GBE1: variants seen among roughly 807,000 people sequenced by gnomAD.
GBE1 encodes the protein 1,4-alpha-glucan-branching enzyme.
In GBE1, 70 loss-of-function variants were observed where a neutral mutation model predicts 88.8. The ratio of observed to expected loss-of-function variants is 0.79; its 90% CI spans 0.65 to 0.96. GBE1 has a LOEUF of 0.96. GBE1 is among the 40% of genes least tolerant of loss of function. The probability of loss-of-function intolerance (pLI) is 0.00; values close to 1 mark genes in which losing one functional copy is unlikely to be tolerated. For synonymous variants in GBE1, 284 were observed against 300.1 expected, an observed-to-expected ratio of 0.95 and a Z score of 0.56; for missense variants, 872 against 871.0, an observed-to-expected ratio of 1.00 and a Z score of -0.01.
At chr3:81,511,913 G>A (rs891894623) in intron 14 of GBE1, among the ~76,000 whole-genome samples, 3 of 151,124 alleles carry the variant, frequency 2.0e-5, no homozygotes, top group East Asian at 3.9e-4. Flanking sequence ...ATCACAATAC[G>A]ATTTACAATA....
chr3:81,672,797 T>C (rs1212735226), intron 2 of GBE1, among the ~76,000 whole-genome samples: 1 of 151,936 alleles, frequency 6.6e-6, no homozygotes, highest in African/African-American at 2.4e-5. Context: ...TTGTGGCATA[T>C]ACTGGGTCGC....
At chr3:81,620,434 G>A (rs544220201) in intron 7 of GBE1, among the ~76,000 whole-genome samples, 36 of 151,838 alleles carry the variant, frequency 2.4e-4, no homozygotes, top group African/African-American at 8.5e-4. Flanking sequence ...CGCCCGCCTC[G>A]GCCTCCCAAG....
chr3:81,561,182 T>C (rs973272365), intron 12 of GBE1, among the ~76,000 whole-genome samples: 8 of 152,178 alleles, frequency 5.3e-5, no homozygotes, highest in African/African-American at 1.7e-4. Context: ...ACACCTATAC[T>C]ACCTTATGTT....
At chr3:81,600,850 A>T (rs1270960983) in intron 7 of GBE1, among the ~76,000 whole-genome samples, 1 of 152,078 alleles carries the variant, frequency 6.6e-6, no homozygotes, top group Non-Finnish European at 1.5e-5. Context: ...ACAGCAATTG[A>T]GGTAGGGAAA....
intron 3 of GBE1, among the ~76,000 whole-genome samples, chr3:81,652,428 AT>A (rs1704863898): frequency 6.6e-6 from 1 of 152,214 alleles, no homozygotes; most frequent in Non-Finnish European, 1.5e-5. Flanking sequence ...TAACTTCAAT[AT>A]TTTGTTTCCA....
intron 12 of GBE1, among the ~76,000 whole-genome samples, chr3:81,555,770 T>G (rs1438269494): frequency 6.6e-6 from 1 of 152,136 alleles, no homozygotes; most frequent in Non-Finnish European, 1.5e-5. Context: ...TTAACCAAGT[T>G]AAATATCCCC....
Position 81,586,169 on chromosome 3 carries a change from G to C in GBE1, c.1258C>G (p.Leu420Val). The C allele has an allele frequency of 6.2e-7, 1 of 1,606,600 alleles. No homozygotes were observed. The highest frequency in any genetic ancestry group is 8.5e-7 in the Non-Finnish European group (1 of 1,177,134). Residue 420 changes from leucine (L) to valine (V), a missense_variant, in exon 10 of 16, where the codon CTG becomes GTG. Leu to Val is a conservative substitution (Grantham distance 32). Transcript: ENST00000429644. Reference protein sequence around the residue: ...IAEDVSGMPALCSPISQGGGG... With the variant: ...IAEDVSGMPAVCSPISQGGGG... ...CCTCCCTGGGAAATTGGAGAGCACA[G>C]AGCTGGCATTCCTGATACATCCTAC...
chr3:81,678,647 T>A (rs2107126288), intron 2 of GBE1, among the ~76,000 whole-genome samples: 1 of 152,298 alleles, frequency 6.6e-6, no homozygotes, highest in South Asian at 2.1e-4. Flanking sequence ...CAGCAAAGAA[T>A]GCATAGAAAT....
chr3:81,561,649 G>T (rs1703418643), intron 12 of GBE1, among the ~76,000 whole-genome samples: 1 of 151,974 alleles, frequency 6.6e-6, no homozygotes, highest in Admixed American at 6.6e-5. Flanking sequence ...TATTTAGTTT[G>T]AGGTGACAGC....
chr3:81,551,101 A>G (rs991467634), intron 12 of GBE1, among the ~76,000 whole-genome samples: 1 of 152,176 alleles, frequency 6.6e-6, no homozygotes, highest in Non-Finnish European at 1.5e-5. Context: ...TCCTCCCTTA[A>G]AAGATACAAG....
chr3:81,669,395 AC>A (rs1705157085), intron 3 of GBE1, among the ~76,000 whole-genome samples: 3 of 152,192 alleles, frequency 2.0e-5, no homozygotes, highest in Non-Finnish European at 2.9e-5. Context: ...CGAACCTAAA[AC>A]AAAGGTTAAA....
intron 2 of GBE1, among the ~76,000 whole-genome samples, chr3:81,695,046 C>T (rs1350116420): frequency 1.3e-5 from 2 of 152,140 alleles, no homozygotes; most frequent in Admixed American, 6.5e-5. Context: ...GCAGAAAAAT[C>T]GTGAATATTC....
chr3:81,593,967 C>T lies in GBE1; in HGVS notation c.1049G>A (p.Arg350His), dbSNP rs375347840. 24 of 1,585,978 alleles carry T rather than the reference C, an allele frequency of 1.5e-5. No individual in the cohort carries two copies. The highest frequency in any genetic ancestry group is 1.7e-4 in the Middle Eastern group (1 of 6,030). ...ACCATCAAAACGAAATCCATCAAAG[C>T]GATATTCTTCCAACCACCATCTTAT... ...SNIRWWLEEY[R>H]FDGFRFDGVT... The change falls in exon 8 of 16, where the codon CGC (arginine) becomes CAC (histidine). Residue 350 changes from arginine (R) to histidine (H), a missense_variant. Arg to His is a conservative substitution (Grantham distance 29). Transcript: ENST00000429644.
At position 81,649,020 on chromosome 3, in the gene GBE1, T is replaced by G. The variant is rs1207421718; in HGVS notation, c.556-29A>C. ...CAGAATATAAAATTATGTATAGAGT[T>G]AAGCCAGGAATTCTGGTATGACACT... On this transcript the variant is annotated intron_variant, in intron 4 of 15. Transcript: ENST00000429644. 4.7e-6 allele frequency: 7 copies of G among 1,484,244 alleles called. No individual in the cohort carries two copies. The African/African-American group carries it at 1.0e-4, about 21-fold the overall frequency. 91.9% of individuals were successfully genotyped at this position (1,484,244 alleles called of 1,614,324 possible). A position where few individuals can be genotyped will look rare whatever the true frequency, so the allele number is the denominator to read the frequency against.
At chr3:81,745,035 CTG>C (rs370606162) in intron 1 of GBE1, among the ~76,000 whole-genome samples, 206 of 152,280 alleles carry the variant, frequency 1.4e-3, no homozygotes, top group African/African-American at 4.9e-3. Context: ...AATATCTACT[CTG>C]TGTTTATTTG....
rs535839102 is a variant in GBE1 at position 81,561,749 on chromosome 3, C to T, written c.1618+16176G>A. Among the ~76,000 whole-genome samples, 253 of 152,148 alleles carry T rather than the reference C, an allele frequency of 1.7e-3. 2 individuals are homozygous for T. Among genetic ancestry groups the T allele is most frequent in the Non-Finnish European group, 2.8e-3 (192 of 67,968 alleles). ...AATCTCCTGCAAAACCCTTCAAAAG[C>T]CCTCTACGACCTGGCCTCTGCTTCT... On this transcript the variant is annotated intron_variant, in intron 12 of 15. Coordinates refer to ENST00000429644, the MANE Select transcript of GBE1 (RefSeq NM_000158.4).
rs62267112 is a variant in GBE1 at position 81,743,877 on chromosome 3, C to G, written c.143+17498G>C. ...AACTTAGGGCAAACATGACCACCTA[C>G]TTAGCCACTGTTAAGTATGTGGCAT... On this transcript the variant is annotated intron_variant, in intron 1 of 15. Coordinates refer to ENST00000429644, the MANE Select transcript of GBE1 (RefSeq NM_000158.4). Among the ~76,000 whole-genome samples, 1,492 of 152,244 alleles carry G rather than the reference C, an allele frequency of 9.8e-3. 14 individuals are homozygous for G. The highest frequency in any genetic ancestry group is 0.017 in the Non-Finnish European group (1,181 of 68,000).
At chr3:81,631,564 G>A (rs952725370) in intron 7 of GBE1, among the ~76,000 whole-genome samples, 14 of 150,680 alleles carry the variant, frequency 9.3e-5, no homozygotes, top group Admixed American at 2.0e-4. Flanking sequence ...GTGAAACCCC[G>A]TCTCTACTAA....
chr3:81,722,892 G>GTATATATA (rs201396919), intron 1 of GBE1, among the ~76,000 whole-genome samples: 7 of 102,130 alleles, frequency 6.9e-5, no homozygotes, highest in East Asian at 7.7e-4. Context: ...GTGTGTGTGT[G>GTATATATA]TGTGTATATA....
Sources: gnomAD v4.1 joint callset for allele counts (sites outside exome capture counted in the v4.1 genomes callset) on GRCh38, gnomAD v4.1.1 for gene constraint, MANE v1.5 for transcripts, NCBI Gene and HGNC (gene_info 2026-07-23, HGNC 2026-07-21) for gene names.